PALM2AKAP2: variants seen among roughly 807,000 people sequenced by gnomAD.
PALM2AKAP2 encodes the protein PALM2-AKAP2 fusion protein.
PALM2AKAP2 carries 37 observed loss-of-function variants against 71.5 expected under a neutral mutation model. The ratio of observed to expected loss-of-function variants is 0.52; its 90% CI spans 0.40 to 0.68. The LOEUF (loss-of-function observed/expected upper bound fraction) is 0.68, where lower values mean the gene tolerates loss of function less well. Among genes scored for constraint, PALM2AKAP2 ranks in the 30% least tolerant of loss-of-function variants. PALM2AKAP2 has a pLI of 0.00. For synonymous variants in PALM2AKAP2, 468 were observed against 478.8 expected (o/e 0.98, Z 0.29); for missense variants, 1,224 against 1,191.8 (o/e 1.03, Z -0.40).
At chr9:109,839,534 A>G (rs1828591523) in intron 1 of PALM2AKAP2, among the ~76,000 whole-genome samples, 1 of 152,216 alleles carries the variant, frequency 6.6e-6, no homozygotes, top group African/African-American at 2.4e-5. Flanking sequence ...AGTTCTGGCC[A>G]GGGCAGTCAG....
intron 6 of PALM2AKAP2, among the ~76,000 whole-genome samples, chr9:110,003,922 T>G (rs1404063096): frequency 6.6e-6 from 1 of 152,202 alleles, no homozygotes; most frequent in Non-Finnish European, 1.5e-5. Flanking sequence ...CCTATGTGTG[T>G]CTCTGCACAT....
At chr9:109,930,357 C>G (rs1831067076) in intron 5 of PALM2AKAP2, among the ~76,000 whole-genome samples, 1 of 152,124 alleles carries the variant, frequency 6.6e-6, no homozygotes, top group Non-Finnish European at 1.5e-5. Context: ...CCTCTAGTAG[C>G]TGGGACTACA....
intron 3 of PALM2AKAP2, among the ~76,000 whole-genome samples, chr9:109,905,991 A>G (rs534865154): frequency 6.6e-6 from 1 of 151,002 alleles, no homozygotes; most frequent in East Asian, 1.9e-4. Flanking sequence ...AAACTTTTTT[A>G]CAAAAAAGAG....
intron 6 of PALM2AKAP2, among the ~76,000 whole-genome samples, chr9:109,972,415 G>A (rs1832085536): frequency 1.3e-5 from 2 of 152,224 alleles, no homozygotes; most frequent in East Asian, 1.9e-4. Context: ...GGGTGAGTAT[G>A]ACTCAGTCTG....
chr9:109,866,008 G>C (rs928315820), intron 1 of PALM2AKAP2, among the ~76,000 whole-genome samples: 1 of 152,166 alleles, frequency 6.6e-6, no homozygotes, highest in African/African-American at 2.4e-5. Flanking sequence ...GGAGTTCTTT[G>C]GTAAATGGTA....
At chr9:109,648,757 C>T (rs528459674) in intron 1 of PALM2AKAP2, among the ~76,000 whole-genome samples, 132 of 152,124 alleles carry the variant, frequency 8.7e-4, no homozygotes, top group Non-Finnish European at 1.5e-3. Flanking sequence ...CACCACCAGC[C>T]CTTTCATCAA....
intron 6 of PALM2AKAP2, among the ~76,000 whole-genome samples, chr9:109,953,834 CAA>C (rs34719180): frequency 1.4e-4 from 7 of 48,626 alleles, no homozygotes; most frequent in African/African-American, 4.5e-4. Flanking sequence ...GACTCCATCT[CAA>C]AAAAAAAAAA....
At chr9:109,890,897 T>C (rs1389642342) in intron 3 of PALM2AKAP2, among the ~76,000 whole-genome samples, 1 of 152,202 alleles carries the variant, frequency 6.6e-6, no homozygotes, top group African/African-American at 2.4e-5. Context: ...ACAGAATCTC[T>C]AATGGAATAA....
intron 5 of PALM2AKAP2, among the ~76,000 whole-genome samples, chr9:109,929,832 C>G (rs1253481469): frequency 6.9e-6 from 1 of 144,316 alleles, no homozygotes; most frequent in Non-Finnish European, 1.5e-5. Context: ...CCACTGCACT[C>G]CAGCCTGGGT....
chr9:110,044,859 G>A (rs1322228443), upstream of PALM2AKAP2, among the ~76,000 whole-genome samples: 2 of 152,026 alleles, frequency 1.3e-5, no homozygotes, highest in Non-Finnish European at 2.9e-5. Flanking sequence ...ACACTTCTAA[G>A]TCTATTTTTC....
rs149836822 is a variant in PALM2AKAP2 at position 110,076,492 on chromosome 9, C to CATATATATATATATAT, written c.156+27641_156+27656dup. On this transcript the variant is annotated intron_variant, in intron 1 of 3. Transcript: ENST00000374525. Reference sequence around the variant, plus strand: ...ATATAGGTATATCATATATATTCTACATATATATATATATATATAGGTATA... The same window carrying CATATATATATATATAT: ...ATATAGGTATATCATATATATTCTACATATATATATATATATATATATATATATATATATAGGTATA... Among the ~76,000 whole-genome samples the CATATATATATATATAT allele has an allele frequency of 2.3e-3, 248 of 106,722 alleles. 24 individuals carry two copies. Among genetic ancestry groups the CATATATATATATATAT allele is most frequent in the African/African-American group, 8.7e-3 (193 of 22,230 alleles). 70.0% of individuals were successfully genotyped at this position (106,722 alleles called of 152,430 possible).
chr9:109,807,802 T>C (rs1827621857), intron 1 of PALM2AKAP2, among the ~76,000 whole-genome samples: 1 of 152,122 alleles, frequency 6.6e-6, no homozygotes, highest in Non-Finnish European at 1.5e-5. Context: ...TCCCCACATA[T>C]TGTGGGAAGG....
At chr9:109,961,735 G>A (rs891491573) in intron 6 of PALM2AKAP2, among the ~76,000 whole-genome samples, 8 of 152,196 alleles carry the variant, frequency 5.3e-5, no homozygotes, top group Non-Finnish European at 7.3e-5. Flanking sequence ...AATGCTGAGG[G>A]CACGGCAAGA....
intron 1 of PALM2AKAP2, among the ~76,000 whole-genome samples, chr9:109,796,031 C>T (rs1827243384): frequency 6.6e-6 from 1 of 152,242 alleles, no homozygotes. Flanking sequence ...TCATATTCAC[C>T]ATTATCTACT....
chr9:110,012,857 T>C (rs1340007755), intron 6 of PALM2AKAP2, among the ~76,000 whole-genome samples: 1 of 152,180 alleles, frequency 6.6e-6, no homozygotes, highest in Non-Finnish European at 1.5e-5. Context: ...ATAATAGAGA[T>C]GATAGAGATG....
intron 1 of PALM2AKAP2, among the ~76,000 whole-genome samples, chr9:109,725,595 T>C (rs577611151): frequency 9.8e-5 from 15 of 152,304 alleles, no homozygotes; most frequent in African/African-American, 3.4e-4. Flanking sequence ...TTGTAAACTA[T>C]CATTAAGAGA....
chr9:110,041,566 C>T (rs941955520), intron 7 of PALM2AKAP2, among the ~76,000 whole-genome samples: 7 of 152,018 alleles, frequency 4.6e-5, no homozygotes, highest in Non-Finnish European at 1.0e-4. Flanking sequence ...GAGGAGAGGC[C>T]AAGTGCGAGG....
intron 7 of PALM2AKAP2, among the ~76,000 whole-genome samples, chr9:110,034,381 C>T (rs967457983): frequency 6.6e-6 from 1 of 152,102 alleles, no homozygotes; most frequent in Non-Finnish European, 1.5e-5. Flanking sequence ...TGGCCTCAAA[C>T]TCCCGACCTC....
In PALM2AKAP2 at chr9:109,686,380, A is replaced by T. The variant is rs1215509921; in HGVS notation, c.5+45514A>T. On this transcript the variant is annotated intron_variant, in intron 1 of 6. Coordinates refer to the PALM2AKAP2 transcript ENST00000374531. ...ACAATAAGACTTGAAAGTTGAAATT[A>T]CTCCTTGATCCATGGGCTGCAGAAT... 2.0e-5 allele frequency among the ~76,000 whole-genome samples: 3 copies of T among 152,176 alleles called. No homozygotes were observed. The East Asian group carries it at 5.8e-4, about 29-fold the overall frequency.
Sources: gnomAD v4.1 joint callset for allele counts (sites outside exome capture counted in the v4.1 genomes callset) on GRCh38, gnomAD v4.1.1 for gene constraint, MANE v1.5 for transcripts, NCBI Gene and HGNC (gene_info 2026-07-23, HGNC 2026-07-21) for gene names.